KAZN: variants seen among roughly 807,000 people sequenced by gnomAD.
The protein encoded by KAZN is kazrin.
Under a neutral mutation model 87.4 loss-of-function variants are expected in KAZN, and 40 were observed. That is an observed-to-expected ratio of 0.46 (90% CI 0.36 to 0.60). The LOEUF (loss-of-function observed/expected upper bound fraction) is 0.60. Among genes scored for constraint, KAZN ranks in the 20% least tolerant of loss-of-function variants. The probability of loss-of-function intolerance (pLI) is 0.00; values close to 1 mark genes in which losing one functional copy is unlikely to be tolerated. For synonymous variants in KAZN, 466 were observed against 458.3 expected (o/e 1.02, Z -0.22); for missense variants, 898 against 1,073.9 (o/e 0.84, Z 2.29).
chr1:15,071,357 T>G (rs912838669), intron 8 of KAZN, among the ~76,000 whole-genome samples: 4 of 152,148 alleles, frequency 2.6e-5, no homozygotes, highest in Non-Finnish European at 5.9e-5. Flanking sequence ...GTTCAAGCGA[T>G]TCTCCCACCT....
At chr1:14,997,738 G>A (rs957240306) in intron 2 of KAZN, among the ~76,000 whole-genome samples, 6 of 152,142 alleles carry the variant, frequency 3.9e-5, no homozygotes, top group African/African-American at 1.4e-4. Flanking sequence ...GGAGTTGGCA[G>A]CAGGGTTCAG....
chr1:14,685,273 T>C (rs1251769552), intron 1 of KAZN, among the ~76,000 whole-genome samples: 1 of 152,230 alleles, frequency 6.6e-6, no homozygotes, highest in East Asian at 1.9e-4. Flanking sequence ...GCTTCAGAGC[T>C]ACACAACCTT....
intron 1 of KAZN, among the ~76,000 whole-genome samples, chr1:13,932,817 C>T (rs1056409734): frequency 2.6e-5 from 4 of 152,100 alleles, no homozygotes; most frequent in South Asian, 2.1e-4. Flanking sequence ...GAGGTTGTCA[C>T]GCATGTATCT....
chr1:14,333,504 A>T (rs1301772427), intron 2 of KAZN, among the ~76,000 whole-genome samples: 1 of 152,214 alleles, frequency 6.6e-6, no homozygotes, highest in Non-Finnish European at 1.5e-5. Context: ...TCATCAAGCA[A>T]CTATTGAGCA....
At chr1:14,661,101 A>G (rs1446612659) in intron 1 of KAZN, among the ~76,000 whole-genome samples, 1 of 152,210 alleles carries the variant, frequency 6.6e-6, no homozygotes, top group East Asian at 1.9e-4. Context: ...TCTCATTGAA[A>G]TGTCACAAAA....
intron 2 of KAZN, among the ~76,000 whole-genome samples, chr1:14,982,737 C>A (rs1477296270): frequency 1.3e-5 from 2 of 152,298 alleles, no homozygotes; most frequent in Admixed American, 1.3e-4. Flanking sequence ...CACCTGAGAT[C>A]TTGAAAGGGA....
At chr1:14,042,646 T>G (rs1456124534) in intron 1 of KAZN, among the ~76,000 whole-genome samples, 2 of 152,174 alleles carry the variant, frequency 1.3e-5, no homozygotes, top group Admixed American at 6.5e-5. Context: ...TTTTTTTCCC[T>G]CCTATTTGTT....
At chr1:14,569,163 A>G (rs1413953946) in intron 2 of KAZN, among the ~76,000 whole-genome samples, 1 of 152,090 alleles carries the variant, frequency 6.6e-6, no homozygotes, top group African/African-American at 2.4e-5. Context: ...CTTGTGTAAC[A>G]ATAATAGTTG....
intron 1 of KAZN, among the ~76,000 whole-genome samples, chr1:14,083,763 C>T (rs952851063): frequency 3.9e-5 from 6 of 152,036 alleles, no homozygotes; most frequent in African/African-American, 1.4e-4. Context: ...TTATATTAGA[C>T]TCATATCTCA....
intron 1 of KAZN, among the ~76,000 whole-genome samples, chr1:14,664,379 G>A (rs1639383261): frequency 6.6e-6 from 1 of 152,178 alleles, no homozygotes; most frequent in African/African-American, 2.4e-5. Flanking sequence ...GTTGCAGTGA[G>A]CCAAGATTGT....
intron 1 of KAZN, among the ~76,000 whole-genome samples, chr1:14,663,388 C>T (rs542105645): frequency 6.6e-6 from 1 of 152,294 alleles, no homozygotes; most frequent in Non-Finnish European, 1.5e-5. Flanking sequence ...GAGGGAGAGT[C>T]AGGAGCCAAG....
chr1:14,690,499 T>G (rs1467399710), intron 1 of KAZN, among the ~76,000 whole-genome samples: 1 of 152,104 alleles, frequency 6.6e-6, no homozygotes, highest in Non-Finnish European at 1.5e-5. Flanking sequence ...AAACAATCGG[T>G]GGTTCACATG....
At chr1:14,981,483 C>T (rs1666243597) in intron 2 of KAZN, among the ~76,000 whole-genome samples, 2 of 152,232 alleles carry the variant, frequency 1.3e-5, no homozygotes, top group African/African-American at 4.8e-5. Context: ...GCTCTTCTAT[C>T]ATTGAACACA....
chr1:14,771,172 GAAGA>G (rs1464219764), intron 1 of KAZN, among the ~76,000 whole-genome samples: 2 of 152,154 alleles, frequency 1.3e-5, no homozygotes, highest in African/African-American at 4.8e-5. Flanking sequence ...GGGCCCCGAG[GAAGA>G]AAGAATTTTT....
chr1:14,192,679 T>G (rs916591211), intron 2 of KAZN, among the ~76,000 whole-genome samples: 4 of 152,152 alleles, frequency 2.6e-5, no homozygotes, highest in African/African-American at 7.2e-5. Context: ...TTTGAATCAG[T>G]GTTTTCAGAA....
At chr1:14,835,606 A>AC (rs1647210622) in intron 1 of KAZN, among the ~76,000 whole-genome samples, 1 of 152,126 alleles carries the variant, frequency 6.6e-6, no homozygotes, top group African/African-American at 2.4e-5. Flanking sequence ...CCCAAATTGC[A>AC]CCGTAATAGA....
In KAZN at chr1:15,078,594, G is replaced by A. The variant is rs563541838; in HGVS notation, c.1222+12841G>A. 7.2e-5 allele frequency among the ~76,000 whole-genome samples: 11 copies of A among 152,232 alleles called. No homozygotes were observed. The East Asian group carries it at 1.4e-3, about 19-fold the overall frequency. On this transcript the variant is annotated intron_variant, in intron 8 of 14. Coordinates refer to ENST00000376030, the MANE Select transcript of KAZN (RefSeq NM_201628.3). ...AGACAAGGCGGGGAGCAGGGATCAC[G>A]ATTAAAGGTCACCTACAAAGGGAGA...
intron 2 of KAZN, among the ~76,000 whole-genome samples, chr1:14,336,245 C>T (rs1464862632): frequency 6.6e-6 from 1 of 152,198 alleles, no homozygotes; most frequent in Non-Finnish European, 1.5e-5. Context: ...TGTCTGGCTT[C>T]TCCCACTTGG....
chr1:14,523,182 C>A (rs1011179845), intron 2 of KAZN, among the ~76,000 whole-genome samples: 1 of 152,220 alleles, frequency 6.6e-6, no homozygotes, highest in African/African-American at 2.4e-5. Context: ...CCTCACCAAC[C>A]CCCTGAGCCT....
Sources: allele counts gnomAD v4.1 joint callset (sites outside exome capture counted in the v4.1 genomes callset), GRCh38; gene constraint gnomAD v4.1.1; transcripts MANE v1.5; gene names NCBI Gene and HGNC (gene_info 2026-07-23, HGNC 2026-07-21).